Variants in BOLL observed in about 807,000 individuals in gnomAD.
BOLL encodes the protein boule RNA binding protein.
In BOLL, 23 loss-of-function variants were observed where a neutral mutation model predicts 44.4. The observed-to-expected ratio is 0.52, with a 90% confidence interval of 0.37 to 0.73. The LOEUF (loss-of-function observed/expected upper bound fraction) is 0.73. Ranked by LOEUF, BOLL falls within the 30% of genes least tolerant of loss-of-function variation. The probability of loss-of-function intolerance (pLI) is 0.00; values close to 1 mark genes in which losing one functional copy is unlikely to be tolerated. For missense variants in BOLL, 287 were observed against 338.3 expected (o/e 0.85, Z 1.19); for synonymous variants, 97 against 110.8 (o/e 0.88, Z 0.78).
intron 10 of BOLL, among the ~76,000 whole-genome samples, chr2:197,738,723 C>A (rs967427460): frequency 1.3e-5 from 2 of 151,864 alleles, no homozygotes; most frequent in African/African-American, 4.8e-5. Flanking sequence ...ATGAGTTTTA[C>A]GCTTATAAAA....
At chr2:197,734,521 ACG>A (rs1559389735) in intron 10 of BOLL, among the ~76,000 whole-genome samples, 81 of 152,250 alleles carry the variant, frequency 5.3e-4, no homozygotes, top group African/African-American at 1.9e-3. Context: ...TATGTTTATC[ACG>A]GCACTATTCA....
intron 9 of BOLL, among the ~76,000 whole-genome samples, chr2:197,750,115 C>T (rs958794206): frequency 1.3e-5 from 2 of 152,170 alleles, no homozygotes; most frequent in Non-Finnish European, 2.9e-5. Flanking sequence ...TTTGTCACCA[C>T]CAGGCCTGCC....
chr2:197,766,719 T>C (rs1304286684), intron 6 of BOLL, 116 bp from the exon 7 acceptor site: 3 of 706,916 alleles, frequency 4.2e-6, no homozygotes, highest in East Asian at 5.5e-5. Flanking sequence ...ATTAGAAATA[T>C]TATTTTTCTA....
chr2:197,784,391 C>A (rs1379941466), intron 1 of BOLL, among the ~76,000 whole-genome samples: 5 of 54,996 alleles, frequency 9.1e-5, no homozygotes, highest in African/African-American at 3.4e-4. Context: ...CAGTCTAATA[C>A]ATATATATAT....
At chr2:197,741,279 G>C (rs1687719275) in intron 10 of BOLL, among the ~76,000 whole-genome samples, 1 of 152,050 alleles carries the variant, frequency 6.6e-6, no homozygotes. Flanking sequence ...TTGGCTCTCT[G>C]TTTGTCTGTT....
intron 9 of BOLL, among the ~76,000 whole-genome samples, chr2:197,755,743 G>A (rs779818530): frequency 6.6e-5 from 10 of 152,158 alleles, no homozygotes; most frequent in African/African-American, 2.2e-4. Context: ...GGGACGTGTC[G>A]GGGCTGGGAA....
intron 2 of BOLL, 43 bp from the exon 3 acceptor site, chr2:197,779,109 A>G: frequency 7.2e-7 from 1 of 1,396,716 alleles, no homozygotes; most frequent in Non-Finnish European, 1.0e-6. Context: ...TTTTTAGTTG[A>G]TAAAAGATGA....
intron 6 of BOLL, 75 bp from the exon 7 acceptor site, chr2:197,766,678 T>A: frequency 9.2e-7 from 1 of 1,085,800 alleles, no homozygotes; most frequent in Admixed American, 2.1e-5. Flanking sequence ...TCTCAAATTA[T>A]TACCTAAACC....
chr2:197,749,877 T>TC (rs1162022410), intron 9 of BOLL, among the ~76,000 whole-genome samples: 3 of 151,870 alleles, frequency 2.0e-5, no homozygotes, highest in Non-Finnish European at 4.4e-5. Context: ...ATTTAGAAAA[T>TC]ACAGAGACCA....
At chr2:197,744,975 A>G (rs1559397062) in intron 9 of BOLL, among the ~76,000 whole-genome samples, 1 of 152,226 alleles carries the variant, frequency 6.6e-6, no homozygotes, top group Non-Finnish European at 1.5e-5. Context: ...CGCAAGAGGC[A>G]GAAATAACCT....
intron 7 of BOLL, among the ~76,000 whole-genome samples, chr2:197,760,107 T>C (rs1050307074): frequency 3.9e-5 from 6 of 151,996 alleles, no homozygotes; most frequent in Admixed American, 6.6e-5. Flanking sequence ...CTGCTTCCAG[T>C]GGGCATGATC....
Position 197,773,610 on chromosome 2 carries a change from C to T in BOLL, c.353-1628G>A, listed in dbSNP as rs554532219. 2.0e-5 allele frequency among the ~76,000 whole-genome samples: 3 copies of T among 151,954 alleles called. No homozygotes were observed. The South Asian group carries it at 6.2e-4, about 32-fold the overall frequency. Reference sequence around the variant, plus strand: ...TGTGATGAAATGATGTTCAGCTAAGCTCTAAAGAATGAATTGGATGGCAAA... The same window carrying T: ...TGTGATGAAATGATGTTCAGCTAAGTTCTAAAGAATGAATTGGATGGCAAA... On this transcript the variant is annotated intron_variant, in intron 5 of 10. Coordinates refer to ENST00000392296, the MANE Select transcript of BOLL (RefSeq NM_033030.6).
intron 2 of BOLL, 92 bp from the exon 3 acceptor site, chr2:197,779,158 A>C (rs1286831959): frequency 1.7e-5 from 15 of 903,978 alleles, no homozygotes; most frequent in Non-Finnish European, 2.5e-5. Context: ...AAAAAGTTAT[A>C]GATAAGATGC....
chr2:197,752,885 G>C (rs549616500), intron 9 of BOLL, among the ~76,000 whole-genome samples: 1 of 152,060 alleles, frequency 6.6e-6, no homozygotes, highest in Non-Finnish European at 1.5e-5. Flanking sequence ...GAGGCATCAC[G>C]CTACCTGACT....
intron 6 of BOLL, 116 bp downstream of exon 6, chr2:197,771,739 G>T (rs1033749197): frequency 8.4e-6 from 10 of 1,184,156 alleles, no homozygotes; most frequent in Non-Finnish European, 1.0e-5. Flanking sequence ...TATTTAATTT[G>T]GTTGATGTGT....
At chr2:197,785,676 C>G (rs1454422542), upstream of BOLL, among the ~76,000 whole-genome samples, 1 of 152,216 alleles carries the variant, frequency 6.6e-6, no homozygotes, top group Non-Finnish European at 1.5e-5. The surrounding 1 kb of genome is among the most constrained non-coding windows in gnomAD (Gnocchi z 6.7). Flanking sequence ...TTTACCTGCT[C>G]GGACTTCGCT....
Position 197,743,126 on chromosome 2 carries a change from G to A in BOLL, c.763C>T (p.His255Tyr), listed in dbSNP as rs762920202. ...YSDHGVQATY[H>Y]QVYAPSAITM... is the part of the protein sequence containing the mutation. ...ATGGCACTTGGAGCATAAACCTGGT[G>A]ATATGTTGCTTGAACTCCATGATCA... is the stretch of plus-strand genomic sequence containing the variant. Residue 255 changes from histidine to tyrosine, a missense_variant, in exon 10 of 11, where the codon CAC (histidine) becomes TAC (tyrosine). Physicochemically the swap from His to Tyr is moderately conservative, Grantham distance 83. Coordinates refer to ENST00000392296, the MANE Select transcript of BOLL (RefSeq NM_033030.6). 2 of 1,604,398 alleles carry A rather than the reference G, an allele frequency of 1.2e-6. No individual in the cohort carries two copies. Among genetic ancestry groups the A allele is most frequent in the Admixed American group, 3.4e-5 (2 of 58,194 alleles).
intron 9 of BOLL, among the ~76,000 whole-genome samples, chr2:197,754,743 A>C (rs1316639085): frequency 3.4e-5 from 4 of 116,604 alleles, no homozygotes; most frequent in Non-Finnish European, 6.9e-5. Flanking sequence ...AAACAAAAAA[A>C]CCCCAAAACA....
chr2:197,728,268 T>A lies in BOLL; in HGVS notation c.*287A>T. On this transcript the variant is annotated 3_prime_UTR_variant, in exon 11 of 11. Coordinates refer to ENST00000392296, the MANE Select transcript of BOLL (RefSeq NM_033030.6). Reference sequence around the variant, plus strand: ...CTCACTATTCCCAATGTGGTTATTATTTATGGAATGGATAAAACATGTTGT... The same window carrying A: ...CTCACTATTCCCAATGTGGTTATTAATTATGGAATGGATAAAACATGTTGT... 1 of 453,328 alleles carries A rather than the reference T, an allele frequency of 2.2e-6. No individual in the cohort carries two copies. The highest frequency in any genetic ancestry group is 3.9e-6 in the Non-Finnish European group (1 of 257,462). The allele number at this position is 453,328 out of a possible 1,614,324, so 28.1% of individuals were successfully genotyped here.
Sources: gnomAD v4.1 joint callset for allele counts (sites outside exome capture counted in the v4.1 genomes callset) on GRCh38, gnomAD v4.1.1 for gene constraint, Gnocchi (gnomAD v3.1) non-coding constraint, MANE v1.5 for transcripts, NCBI Gene and HGNC (gene_info 2026-07-23, HGNC 2026-07-21) for gene names.